The following LAMA2 variants were observed in gnomAD, a reference collection of about 807,000 sequenced individuals.
The protein encoded by LAMA2 is laminin subunit alpha 2.
In LAMA2, 269 loss-of-function variants were observed where a neutral mutation model predicts 364.8. The ratio of observed to expected loss-of-function variants is 0.74; its 90% CI spans 0.67 to 0.82. LAMA2 has a LOEUF of 0.82. Ranked by LOEUF, LAMA2 falls within the 40% of genes least tolerant of loss-of-function variation. The pLI, the probability that LAMA2 is intolerant of heterozygous loss-of-function variation, is 0.00. For missense variants in LAMA2, 3,807 were observed against 3,873.2 expected (o/e 0.98, Z 0.45); for synonymous variants, 1,379 against 1,370.6 (o/e 1.01, Z -0.14).
intron 48 of LAMA2, among the ~76,000 whole-genome samples, chr6:129,459,577 C>G (rs901364713): frequency 6.6e-6 from 1 of 152,140 alleles, no homozygotes; most frequent in East Asian, 1.9e-4. Context: ...TCTTTATTCC[C>G]TTGAACTCGA....
chr6:129,487,589 T>C (rs1329988536), intron 56 of LAMA2, among the ~76,000 whole-genome samples: 1 of 152,204 alleles, frequency 6.6e-6, no homozygotes, highest in East Asian at 1.9e-4. Context: ...AAGCCAATAC[T>C]ATCCTGCAGT....
At chr6:129,067,232 A>G (rs971563342) in intron 3 of LAMA2, among the ~76,000 whole-genome samples, 55 of 112,108 alleles carry the variant, frequency 4.9e-4, no homozygotes, top group African/African-American at 1.8e-3. Flanking sequence ...CCAAATGTAG[A>G]TTATACCTTA....
At chr6:129,318,045 T>G (rs1353200038) in intron 27 of LAMA2, among the ~76,000 whole-genome samples, 1 of 152,190 alleles carries the variant, frequency 6.6e-6, no homozygotes, top group Non-Finnish European at 1.5e-5. Context: ...GGGGTCATAG[T>G]CTCACAATGC....
chr6:129,397,670 C>G (rs893319743), intron 37 of LAMA2, among the ~76,000 whole-genome samples: 27 of 152,126 alleles, frequency 1.8e-4, no homozygotes, highest in African/African-American at 5.8e-4. Context: ...CATCCCAGCA[C>G]TCTGGGAGGC....
intron 18 of LAMA2, among the ~76,000 whole-genome samples, chr6:129,281,316 C>A (rs1562411123): frequency 6.6e-6 from 1 of 152,084 alleles, no homozygotes; most frequent in East Asian, 1.9e-4. Flanking sequence ...AGTGCCTAAA[C>A]CCCCCAGTTC....
At chr6:129,238,863 G>T (rs895049580) in intron 12 of LAMA2, among the ~76,000 whole-genome samples, 1 of 151,384 alleles carries the variant, frequency 6.6e-6, no homozygotes, top group African/African-American at 2.4e-5. Context: ...ATATGGTTCA[G>T]CAATTGGGTC....
intron 19 of LAMA2, 92 bp downstream of exon 19, chr6:129,288,150 A>T: frequency 9.5e-7 from 1 of 1,050,992 alleles, no homozygotes; most frequent in African/African-American, 1.6e-5. Context: ...GAAGAGTAGG[A>T]AATTATGTGG....
intron 1 of LAMA2, among the ~76,000 whole-genome samples, chr6:128,934,021 G>A: frequency 6.6e-6 from 1 of 152,136 alleles, no homozygotes; most frequent in East Asian, 1.9e-4. Flanking sequence ...CAAGACTGAT[G>A]GCAAGGAGCC....
intron 12 of LAMA2, among the ~76,000 whole-genome samples, chr6:129,247,990 T>G (rs1368978395): frequency 2.0e-5 from 3 of 152,004 alleles, no homozygotes; most frequent in Non-Finnish European, 4.4e-5. Context: ...GATCCCCAAC[T>G]CCCGGGCTAT....
At chr6:129,408,216 G>T (rs920719778) in intron 40 of LAMA2, among the ~76,000 whole-genome samples, 1 of 152,138 alleles carries the variant, frequency 6.6e-6, no homozygotes, top group Non-Finnish European at 1.5e-5. Context: ...GGGAGAAACA[G>T]TACCATATTT....
intron 3 of LAMA2, among the ~76,000 whole-genome samples, chr6:129,085,892 G>C (rs1406446737): frequency 6.6e-6 from 1 of 152,174 alleles, no homozygotes; most frequent in Non-Finnish European, 1.5e-5. Flanking sequence ...AGAAACTTTT[G>C]TTAACTGCTT....
At chr6:129,346,960 G>GA (rs1293776356) in intron 30 of LAMA2, among the ~76,000 whole-genome samples, 1 of 152,104 alleles carries the variant, frequency 6.6e-6, no homozygotes, top group East Asian at 1.9e-4. Context: ...TCCCCTCAGA[G>GA]AAAAAAGTCA....
chr6:129,056,996 G>T (rs1271727784), intron 2 of LAMA2, among the ~76,000 whole-genome samples: 1 of 151,656 alleles, frequency 6.6e-6, no homozygotes, highest in Non-Finnish European at 1.5e-5. Context: ...GCCTCCCAAA[G>T]TGCTGGGATT....
intron 37 of LAMA2, among the ~76,000 whole-genome samples, chr6:129,396,443 TAAGGTGATCTTAGG>T (rs1779623084): frequency 6.6e-6 from 1 of 152,108 alleles, no homozygotes; most frequent in African/African-American, 2.4e-5. Context: ...TTTGGAAGTG[TAAGGTGATCTTAGG>T]AAGTGTCCAG....
intron 56 of LAMA2, among the ~76,000 whole-genome samples, chr6:129,487,632 G>A (rs2114851111): frequency 6.6e-6 from 1 of 152,204 alleles, no homozygotes; most frequent in East Asian, 1.9e-4. Flanking sequence ...ATCCTCTTGG[G>A]GAAAACATTT....
Position 129,066,041 on chromosome 6 carries a change from T to G in LAMA2, c.396+6145T>G, listed in dbSNP as rs57359210. ...TTTGTAAATTGCCCAGTCTCAGGTT[T>G]TTTTTTTTTTTTTTTTTTTTTTGAG... On this transcript the variant is annotated intron_variant, in intron 3 of 64. Transcript: ENST00000421865. 6.1e-4 allele frequency among the ~76,000 whole-genome samples: 39 copies of G among 64,050 alleles called. 8 individuals are homozygous for G. Among genetic ancestry groups the G allele is most frequent in the Admixed American group, 3.4e-3 (18 of 5,348 alleles). The allele number at this position is 64,050 out of a possible 152,430, so 42.0% of individuals were successfully genotyped here.
At chr6:129,085,309 A>G (rs1443685926) in intron 3 of LAMA2, among the ~76,000 whole-genome samples, 2 of 152,230 alleles carry the variant, frequency 1.3e-5, no homozygotes, top group Non-Finnish European at 2.9e-5. Flanking sequence ...GAATGCTCAC[A>G]GCAGGACACA....
chr6:129,006,973 G>T (rs1403561002), intron 1 of LAMA2, among the ~76,000 whole-genome samples: 2 of 152,040 alleles, frequency 1.3e-5, no homozygotes, highest in Non-Finnish European at 2.9e-5. Flanking sequence ...AGAATTTCCT[G>T]AAGCTCTCCC....
intron 31 of LAMA2, among the ~76,000 whole-genome samples, chr6:129,351,002 G>T (rs185103243): frequency 7.1e-4 from 108 of 152,110 alleles, no homozygotes; most frequent in African/African-American, 2.5e-3. Flanking sequence ...ATTTCCATTT[G>T]TTCTGAAGAT....
Sources: gnomAD v4.1 joint callset for allele counts (sites outside exome capture counted in the v4.1 genomes callset) on GRCh38, gnomAD v4.1.1 for gene constraint, MANE v1.5 for transcripts, NCBI Gene and HGNC (gene_info 2026-07-23, HGNC 2026-07-21) for gene names.